Variants in LRFN2 observed in about 807,000 individuals in gnomAD.
The protein encoded by LRFN2 is leucine-rich repeat and fibronectin type-III domain-containing protein 2.
Under a neutral mutation model 37.3 loss-of-function variants are expected in LRFN2, and 18 were observed. The observed-to-expected ratio is 0.48, with a 90% CI of 0.33 to 0.72. The LOEUF (loss-of-function observed/expected upper bound fraction) is 0.72, where lower values mean the gene tolerates loss of function less well. Among genes scored for constraint, LRFN2 ranks in the 30% least tolerant of loss-of-function variants. The pLI is 0.02. For missense variants in LRFN2, 1,006 were observed against 1,060.7 expected, an observed-to-expected ratio of 0.95 and a Z score of 0.72; for synonymous variants, 556 against 466.6, an observed-to-expected ratio of 1.19 and a Z score of -2.47.
chr6:40,524,504 A>G (rs682597), intron 1 of LRFN2, among the ~76,000 whole-genome samples: 103,069 of 151,554 alleles, frequency 0.68, 36,448 homozygotes, highest in African/African-American at 0.88. Flanking sequence ...TGTGAAGTAA[A>G]TAAAGCTTGG....
At chr6:40,561,221 C>T (rs1201697981) in intron 1 of LRFN2, among the ~76,000 whole-genome samples, 1 of 152,158 alleles carries the variant, frequency 6.6e-6, no homozygotes, top group Non-Finnish European at 1.5e-5. Context: ...GGACTGGTCC[C>T]CTACCTTCAG....
chr6:40,457,220 T>C (rs1466385315), intron 1 of LRFN2, among the ~76,000 whole-genome samples: 7 of 152,128 alleles, frequency 4.6e-5, no homozygotes, highest in Admixed American at 4.6e-4. Flanking sequence ...TGTGTATATT[T>C]TAAGAGTTTT....
In LRFN2 at chr6:40,432,121, C is replaced by T. The variant is rs1763510253; in HGVS notation, c.993G>A (p.Gly331=). 1 of 1,613,660 alleles carries T rather than the reference C, an allele frequency of 6.2e-7. No homozygotes were observed. The highest frequency in any genetic ancestry group is 1.3e-5 in the African/African-American group (1 of 74,944). ...CATAGACAGCGGTCCTTGAGGAGTT[C>T]CCTACCAGGCGGTCATCGGGGGCTA... ...HWVAPDDRLV[G]NSSRTAVYDN... is the part of the protein sequence containing the mutation. Residue 331 remains glycine, a synonymous_variant, in exon 2 of 3, where the codon GGG becomes GGA. Coordinates refer to ENST00000338305, the MANE Select transcript of LRFN2 (RefSeq NM_020737.3).
intron 1 of LRFN2, among the ~76,000 whole-genome samples, chr6:40,499,126 G>A (rs989105850): frequency 6.6e-6 from 1 of 152,208 alleles, no homozygotes; most frequent in South Asian, 2.1e-4. Context: ...AGTCAGAGCT[G>A]TACATTGTCC....
intron 1 of LRFN2, among the ~76,000 whole-genome samples, chr6:40,533,829 G>A (rs1240158572): frequency 6.6e-6 from 1 of 152,166 alleles, no homozygotes; most frequent in African/African-American, 2.4e-5. Flanking sequence ...GAGAGGGAAG[G>A]TCTCTACCTG....
intron 2 of LRFN2, among the ~76,000 whole-genome samples, chr6:40,427,728 A>G (rs574748501): frequency 7.2e-5 from 11 of 152,334 alleles, no homozygotes; most frequent in Non-Finnish European, 1.2e-4. Flanking sequence ...TAAGCATTAC[A>G]GAGTTTATTC....
intron 2 of LRFN2, among the ~76,000 whole-genome samples, chr6:40,421,061 G>A (rs6927927): frequency 0.2 from 30,248 of 152,068 alleles, 4,075 homozygotes; most frequent in African/African-American, 0.39. Context: ...CAGGGTTGGC[G>A]ACTCCTCTGT....
chr6:40,515,303 G>A (rs1765831641), intron 1 of LRFN2, among the ~76,000 whole-genome samples: 1 of 152,178 alleles, frequency 6.6e-6, no homozygotes, highest in Admixed American at 6.5e-5. Context: ...AAGACCTCCA[G>A]ATTGGAAACT....
chr6:40,401,503 TCTGGA>T (rs1762740556), intron 2 of LRFN2, among the ~76,000 whole-genome samples: 1 of 152,158 alleles, frequency 6.6e-6, no homozygotes, highest in South Asian at 2.1e-4. Flanking sequence ...GGCACACCGC[TCTGGA>T]CTGTTAGGAA....
At chr6:40,413,799 C>A (rs113185359) in intron 2 of LRFN2, among the ~76,000 whole-genome samples, 2 of 152,252 alleles carry the variant, frequency 1.3e-5, no homozygotes, top group Admixed American at 6.5e-5. Context: ...GAGAGCCCTC[C>A]CCTCCTGAAG....
intron 1 of LRFN2, among the ~76,000 whole-genome samples, chr6:40,512,522 C>T (rs1162085889): frequency 2.0e-5 from 3 of 152,224 alleles, no homozygotes; most frequent in Non-Finnish European, 4.4e-5. Flanking sequence ...TGCAGAGATT[C>T]TGTGCCCCCA....
intron 1 of LRFN2, among the ~76,000 whole-genome samples, chr6:40,496,395 G>A (rs547730669): frequency 1.3e-5 from 2 of 152,276 alleles, no homozygotes; most frequent in East Asian, 3.9e-4. Flanking sequence ...TGCACCAGGG[G>A]TAAAAGACAC....
intron 1 of LRFN2, among the ~76,000 whole-genome samples, chr6:40,573,534 A>G (rs1261177281): frequency 6.6e-6 from 1 of 152,272 alleles, no homozygotes; most frequent in Non-Finnish European, 1.5e-5. Context: ...GAGAGGCTCC[A>G]TCCCCAAGAG....
Position 40,392,665 on chromosome 6 carries a change from T to G in LRFN2, c.1648A>C (p.Ile550Leu). 6.2e-7 allele frequency: 1 copy of G among 1,613,700 alleles called. No individual in the cohort carries two copies. Among genetic ancestry groups the G allele is most frequent in the Non-Finnish European group, 8.5e-7 (1 of 1,180,030 alleles). ...GIIVATLLVF[I>L]VILMVRYKVC... ...TTGTAGCGCACCATGAGGATGACGA[T>G]GAAGACCAGCAGCGTGGCCACGATG... The change falls in exon 3 of 3, where the codon ATC (isoleucine) becomes CTC (leucine). Residue 550 changes from isoleucine (I) to leucine (L), a missense_variant. By Grantham distance (5) the Ile-to-Leu change is conservative. Coordinates refer to ENST00000338305, the MANE Select transcript of LRFN2 (RefSeq NM_020737.3). The surrounding 1 kb of genome is among the most constrained non-coding windows in gnomAD (Gnocchi z 4.7).
At chr6:40,477,289 C>A (rs1203134081) in intron 1 of LRFN2, among the ~76,000 whole-genome samples, 1 of 152,148 alleles carries the variant, frequency 6.6e-6, no homozygotes, top group Non-Finnish European at 1.5e-5. Context: ...TTAGTTTTGG[C>A]TCATCTCCTG....
intron 1 of LRFN2, among the ~76,000 whole-genome samples, chr6:40,435,052 TAG>T (rs1202054790): frequency 0.027 from 1,000 of 37,322 alleles, 8 homozygotes; most frequent in South Asian, 0.034. Flanking sequence ...TATATATATA[TAG>T]AGAGAGAGAG....
chr6:40,456,004 A>G (rs2436746), intron 1 of LRFN2, among the ~76,000 whole-genome samples: 19,204 of 152,174 alleles, frequency 0.13, 1,387 homozygotes, highest in Admixed American at 0.21. Flanking sequence ...GTTGTGGAGA[A>G]GGCCATGCAG....
At chr6:40,426,401 T>C (rs945585146) in intron 2 of LRFN2, among the ~76,000 whole-genome samples, 6 of 152,210 alleles carry the variant, frequency 3.9e-5, no homozygotes, top group African/African-American at 1.4e-4. Flanking sequence ...GCTTTGATCT[T>C]TATTTCCAGT....
At position 40,432,142 on chromosome 6, in the gene LRFN2, G is replaced by A. The variant is rs770916930; in HGVS notation, c.972C>T (p.Ala324=). The A allele has an allele frequency of 8.1e-6, 13 of 1,613,766 alleles. No homozygotes were observed. Among genetic ancestry groups the A allele is most frequent in the African/African-American group, 1.3e-5 (1 of 74,936 alleles). The change falls in exon 2 of 3, where the codon GCC becomes GCT. Residue 324 remains alanine (A), a synonymous_variant. Coordinates refer to ENST00000338305, the MANE Select transcript of LRFN2 (RefSeq NM_020737.3). ...GDPSPLIHWV[A]PDDRLVGNSS... ...AGTTCCCTACCAGGCGGTCATCGGG[G>A]GCTACCCAGTGGATAAGGGGGCTGG...
Sources: allele counts gnomAD v4.1 joint callset (sites outside exome capture counted in the v4.1 genomes callset), GRCh38; gene constraint gnomAD v4.1.1; non-coding constraint Gnocchi (gnomAD v3.1); transcripts MANE v1.5; gene names NCBI Gene and HGNC (gene_info 2026-07-23, HGNC 2026-07-21).